The following METTL15 variants were observed in gnomAD, a reference collection of about 807,000 sequenced individuals.
METTL15 encodes methyltransferase 15, mitochondrial 12S rRNA N4-cytidine.
In METTL15, 34 loss-of-function variants were observed where a neutral mutation model predicts 38.3. The observed-to-expected ratio is 0.89, with a 90% confidence interval of 0.68 to 1.18. The LOEUF (loss-of-function observed/expected upper bound fraction) is 1.18, where lower values mean the gene tolerates loss of function less well. Among genes scored for constraint, METTL15 ranks in the 50% most tolerant of loss-of-function variants. The pLI, the probability that METTL15 is intolerant of heterozygous loss-of-function variation, is 0.00. For synonymous variants in METTL15, 162 were observed against 170.9 expected, an observed-to-expected ratio of 0.95 and a Z score of 0.41; for missense variants, 438 against 498.4, an observed-to-expected ratio of 0.88 and a Z score of 1.15.
intron 6 of METTL15, among the ~76,000 whole-genome samples, chr11:28,308,393 C>T (rs562404789): frequency 1.2e-4 from 19 of 152,192 alleles, no homozygotes; most frequent in Middle Eastern, 6.8e-3. Flanking sequence ...GTATTTCCCA[C>T]GTCTTTCTAT....
At chr11:28,341,189 A>T (rs7394692) in intron 3 of METTL15, among the ~76,000 whole-genome samples, 3 of 151,818 alleles carry the variant, frequency 2.0e-5, no homozygotes, top group African/African-American at 4.8e-5. Context: ...GGGCTAGGGG[A>T]GGGATAGCAT....
chr11:28,338,903 A>T (rs1319893314), intron 3 of METTL15, among the ~76,000 whole-genome samples: 3 of 152,146 alleles, frequency 2.0e-5, no homozygotes, highest in African/African-American at 7.2e-5. Context: ...CAGAGAGCTA[A>T]TAAGGAATGA....
At chr11:28,388,019 T>G (rs964537324) in intron 5 of METTL15, among the ~76,000 whole-genome samples, 25 of 146,664 alleles carry the variant, frequency 1.7e-4, no homozygotes, top group African/African-American at 5.6e-4. Context: ...ATAAAAATAC[T>G]AAACAAACTA....
intron 4 of METTL15, among the ~76,000 whole-genome samples, chr11:28,237,483 T>C (rs1419004112): frequency 6.6e-6 from 1 of 152,188 alleles, no homozygotes; most frequent in African/African-American, 2.4e-5. Flanking sequence ...CTGTATTGGT[T>C]ATTCTAGTTA....
rs551585670 is a variant in METTL15 at position 28,260,870 on chromosome 11, C to G, written c.408-29336C>G. On this transcript the variant is annotated intron_variant, in intron 4 of 6. Transcript: ENST00000407364. ...GAAATTTACTTTGATTGAGCCATAA[C>G]CATAGGCTGTAGGGTAGGAATGGCA... Among the ~76,000 whole-genome samples the G allele has an allele frequency of 2.0e-5, 3 of 152,198 alleles. No individual in the cohort carries two copies. The South Asian group carries it at 6.2e-4, about 32-fold the overall frequency.
At chr11:28,323,953 A>T (rs1849552608) in intron 6 of METTL15, among the ~76,000 whole-genome samples, 1 of 152,204 alleles carries the variant, frequency 6.6e-6, no homozygotes, top group African/African-American at 2.4e-5. Flanking sequence ...TTACTGTGAG[A>T]GAAGTAAGTG....
At chr11:28,378,312 C>T (rs547069533) in intron 5 of METTL15, among the ~76,000 whole-genome samples, 11 of 152,208 alleles carry the variant, frequency 7.2e-5, no homozygotes, top group South Asian at 2.1e-4. Flanking sequence ...AGCGATACTC[C>T]GTGGGGTAGG....
chr11:28,135,207 G>T (rs1849475798), intron 3 of METTL15, among the ~76,000 whole-genome samples: 1 of 152,172 alleles, frequency 6.6e-6, no homozygotes, highest in Non-Finnish European at 1.5e-5. Context: ...AACAAATCAT[G>T]ATAGGACTGA....
At chr11:28,264,055 A>G (rs1432853823) in intron 4 of METTL15, among the ~76,000 whole-genome samples, 1 of 152,110 alleles carries the variant, frequency 6.6e-6, no homozygotes. Flanking sequence ...GAACCTTAAA[A>G]TTTAGGCCTA....
At chr11:28,158,896 T>C (rs553455069) in intron 3 of METTL15, among the ~76,000 whole-genome samples, 27 of 152,276 alleles carry the variant, frequency 1.8e-4, no homozygotes, top group African/African-American at 6.5e-4. Context: ...GGCAAAGTTC[T>C]CCAGAAGGCT....
chr11:28,133,432 A>G (rs1324294703), intron 3 of METTL15, among the ~76,000 whole-genome samples: 1 of 152,184 alleles, frequency 6.6e-6, no homozygotes, highest in African/African-American at 2.4e-5. Context: ...TTCTCTTAAC[A>G]CACTATGGTA....
intron 6 of METTL15, among the ~76,000 whole-genome samples, chr11:28,439,579 T>C (rs1195909621): frequency 6.6e-6 from 1 of 152,202 alleles, no homozygotes; most frequent in Non-Finnish European, 1.5e-5. Context: ...TCTTCCCTCA[T>C]TATCCCTGTG....
At chr11:28,267,925 C>T (rs370608938) in intron 4 of METTL15, among the ~76,000 whole-genome samples, 7 of 152,164 alleles carry the variant, frequency 4.6e-5, no homozygotes, top group South Asian at 2.1e-4. Flanking sequence ...TGGCCGGGCG[C>T]GGTGGCTCAC....
chr11:28,454,596 T>C (rs1851152085), intron 6 of METTL15, among the ~76,000 whole-genome samples: 2 of 152,138 alleles, frequency 1.3e-5, no homozygotes, highest in African/African-American at 2.4e-5. Context: ...CTAATGAGAG[T>C]CCAGGTTTCC....
intron 3 of METTL15, among the ~76,000 whole-genome samples, chr11:28,150,630 A>G: frequency 8.6e-6 from 1 of 115,680 alleles, no homozygotes; most frequent in Non-Finnish European, 2.1e-5. Context: ...CGCCTGTGTG[A>G]TAGAAAAAAA....
intron 4 of METTL15, among the ~76,000 whole-genome samples, chr11:28,265,517 A>G (rs1324943418): frequency 2.6e-5 from 4 of 151,948 alleles, no homozygotes; most frequent in Non-Finnish European, 5.9e-5. Context: ...CAAATACAGT[A>G]GTATCTGGAT....
At chr11:28,391,812 A>G (rs1016891245) in intron 5 of METTL15, among the ~76,000 whole-genome samples, 1 of 152,214 alleles carries the variant, frequency 6.6e-6, no homozygotes, top group African/African-American at 2.4e-5. Context: ...ACAAAAATTA[A>G]TTCAAGATGG....
intron 3 of METTL15, among the ~76,000 whole-genome samples, chr11:28,123,364 A>G (rs1210005060): frequency 6.6e-6 from 1 of 152,106 alleles, no homozygotes; most frequent in African/African-American, 2.4e-5. Flanking sequence ...TGTGATTCTC[A>G]TAACATTTTA....
chr11:28,123,948 A>G (rs1340367722), intron 3 of METTL15: 2 of 1,147,886 alleles, frequency 1.7e-6, no homozygotes, highest in East Asian at 2.9e-5. Context: ...GAAGAAGATT[A>G]TTAATAATAA....
Sources: gnomAD v4.1 joint callset for allele counts (sites outside exome capture counted in the v4.1 genomes callset) on GRCh38, gnomAD v4.1.1 for gene constraint, MANE v1.5 for transcripts, NCBI Gene and HGNC (gene_info 2026-07-23, HGNC 2026-07-21) for gene names.